The following SORCS1 variants were observed in gnomAD, a reference collection of about 807,000 sequenced individuals.
SORCS1 encodes sortilin related VPS10 domain containing receptor 1, also known as VPS10 domain-containing receptor SorCS1.
A neutral mutation model predicts 146.1 loss-of-function variants in SORCS1; 60 were observed. The observed-to-expected ratio is 0.41, with a 90% CI of 0.33 to 0.51. The LOEUF (loss-of-function observed/expected upper bound fraction) is 0.51. Among genes scored for constraint, SORCS1 ranks in the 20% least tolerant of loss-of-function variants. The probability of loss-of-function intolerance (pLI) is 0.21; values close to 1 mark genes in which losing one functional copy is unlikely to be tolerated. For synonymous variants in SORCS1, 637 were observed against 584.0 expected, an observed-to-expected ratio of 1.09 and a Z score of -1.31; for missense variants, 1,352 against 1,487.6, an observed-to-expected ratio of 0.91 and a Z score of 1.50.
At chr10:107,100,332 T>C (rs1477421291) in intron 1 of SORCS1, among the ~76,000 whole-genome samples, 1 of 152,010 alleles carries the variant, frequency 6.6e-6, no homozygotes, top group African/African-American at 2.4e-5. Context: ...GCTAACACAG[T>C]GAAACCCCGT....
rs946716302 is a variant in SORCS1, at chr10:106,752,973, G to A, written c.959+8615C>T. Among the ~76,000 whole-genome samples, 13 of 151,956 alleles carry A rather than the reference G, an allele frequency of 8.6e-5. No homozygotes were observed. In the East Asian group the frequency reaches 1.4e-3, roughly 16 times the overall value. ...AATGGTAAGATATTCCACTGCCACC[G>A]CAACATAAATTGAAAGTGAGTGATG... On this transcript the variant is annotated intron_variant, in intron 5 of 25. Transcript: ENST00000263054.
intron 3 of SORCS1, among the ~76,000 whole-genome samples, chr10:106,797,791 T>C (rs1295873633): frequency 6.6e-6 from 1 of 152,130 alleles, no homozygotes; most frequent in Non-Finnish European, 1.5e-5. Context: ...GCATCTCTGA[T>C]TGTGCAGTCC....
chr10:107,023,507 A>T (rs1201639717), intron 1 of SORCS1, among the ~76,000 whole-genome samples: 2 of 152,232 alleles, frequency 1.3e-5, no homozygotes, highest in African/African-American at 4.8e-5. Context: ...GTATCCAAAA[A>T]ACACAAAGCA....
chr10:107,152,041 A>G (rs955227211), intron 1 of SORCS1, among the ~76,000 whole-genome samples: 3 of 152,188 alleles, frequency 2.0e-5, no homozygotes, highest in African/African-American at 7.2e-5. Flanking sequence ...TGCTCTGTGC[A>G]GCCTCAGGAT....
intron 2 of SORCS1, among the ~76,000 whole-genome samples, chr10:106,876,399 C>G (rs73374972): frequency 1.3e-5 from 2 of 151,986 alleles, no homozygotes; most frequent in African/African-American, 4.8e-5. Flanking sequence ...GCAACAATTG[C>G]GATGTGAAAT....
chr10:106,897,001 C>T (rs10884372), intron 2 of SORCS1, among the ~76,000 whole-genome samples: 49,070 of 150,190 alleles, frequency 0.33, 8,750 homozygotes, highest in Non-Finnish European at 0.41. Context: ...CGCCATTCTC[C>T]TGCCTCAGCC....
At chr10:106,891,956 G>A (rs374640683) in intron 2 of SORCS1, among the ~76,000 whole-genome samples, 2 of 152,104 alleles carry the variant, frequency 1.3e-5, no homozygotes, top group East Asian at 1.9e-4. Context: ...CTACCACAGC[G>A]TTCTCAATTG....
At chr10:106,692,991 A>G (rs1327163425) in intron 9 of SORCS1, among the ~76,000 whole-genome samples, 1 of 152,126 alleles carries the variant, frequency 6.6e-6, no homozygotes, top group Non-Finnish European at 1.5e-5. Flanking sequence ...ATACAAAAAA[A>G]CTGTTTAATG....
intron 2 of SORCS1, among the ~76,000 whole-genome samples, chr10:106,912,803 T>C (rs1952228865): frequency 6.6e-6 from 1 of 151,976 alleles, no homozygotes; most frequent in Admixed American, 6.6e-5. Flanking sequence ...CTCAGCCTCC[T>C]GAGTAGCTGG....
chr10:106,964,966 T>C (rs543452110), intron 1 of SORCS1, among the ~76,000 whole-genome samples: 4 of 150,664 alleles, frequency 2.7e-5, no homozygotes, highest in East Asian at 2.0e-4. Flanking sequence ...GAATGCCGTT[T>C]GCAGCAAGAA....
intron 2 of SORCS1, among the ~76,000 whole-genome samples, chr10:106,864,491 G>A (rs573089510): frequency 6.6e-5 from 10 of 152,282 alleles, no homozygotes; most frequent in South Asian, 4.1e-4. Context: ...ATGCAGAGAC[G>A]TGGGAACCTT....
chr10:107,102,213 C>G (rs972074251), intron 1 of SORCS1, among the ~76,000 whole-genome samples: 14 of 152,092 alleles, frequency 9.2e-5, no homozygotes, highest in Admixed American at 4.6e-4. Context: ...ATTATCGAGC[C>G]TTCATTATTT....
chr10:107,176,078 A>G, the SORCS1 span, among the ~76,000 whole-genome samples: 38 of 152,146 alleles, frequency 2.5e-4, 1 homozygote, highest in Admixed American at 2.5e-3. Flanking sequence ...ATTCCCCTAT[A>G]ATCACTGCTT....
intron 2 of SORCS1, among the ~76,000 whole-genome samples, chr10:106,926,506 T>C (rs1953027207): frequency 6.6e-6 from 1 of 152,124 alleles, no homozygotes; most frequent in Non-Finnish European, 1.5e-5. Flanking sequence ...ACCCTTGAAG[T>C]GCTTAGCCAA....
intron 6 of SORCS1, among the ~76,000 whole-genome samples, chr10:106,722,180 T>C (rs182601035): frequency 1.5e-3 from 227 of 150,184 alleles, no homozygotes; most frequent in African/African-American, 5.1e-3. Flanking sequence ...GATAAGAGTT[T>C]ATATATATAT....
At chr10:106,783,165 C>T (rs77151774) in intron 3 of SORCS1, among the ~76,000 whole-genome samples, 1,575 of 152,320 alleles carry the variant, frequency 0.01, 25 homozygotes, top group African/African-American at 0.035. Flanking sequence ...AGTGATACCA[C>T]AAACAAGTTG....
chr10:106,686,863 C>T (rs1482742528), intron 10 of SORCS1, among the ~76,000 whole-genome samples: 1 of 152,124 alleles, frequency 6.6e-6, no homozygotes, highest in Admixed American at 6.6e-5. Flanking sequence ...ACTGTCCAGA[C>T]TTTATGGGAT....
At chr10:106,581,591 C>T (rs2133207169) in intron 24 of SORCS1, among the ~76,000 whole-genome samples, 1 of 152,142 alleles carries the variant, frequency 6.6e-6, no homozygotes, top group East Asian at 1.9e-4. Flanking sequence ...TGTATGTGTG[C>T]ATGCAAACAC....
chr10:107,120,381 CT>C lies in SORCS1; in HGVS notation c.558+43587del, dbSNP rs570969906. ...ATAAAGAAAGTAATAAAAAAATTCACTGCCTGTAGGCAAGTACCTGGAAGAC... is the reference window on the plus strand; with the variant it reads ...ATAAAGAAAGTAATAAAAAAATTCACGCCTGTAGGCAAGTACCTGGAAGAC... On this transcript the variant is annotated intron_variant, in intron 1 of 25. Transcript: ENST00000263054. Among the ~76,000 whole-genome samples, 126 of 152,286 alleles carry C rather than the reference CT, an allele frequency of 8.3e-4. 2 individuals are homozygous for C. In the South Asian group the frequency reaches 0.023, roughly 28 times the overall value.
Sources: allele counts gnomAD v4.1 joint callset (sites outside exome capture counted in the v4.1 genomes callset), GRCh38; gene constraint gnomAD v4.1.1; transcripts MANE v1.5; gene names NCBI Gene and HGNC (gene_info 2026-07-23, HGNC 2026-07-21).